COL20A1: variants seen among roughly 807,000 people sequenced by gnomAD.
COL20A1 encodes the protein collagen alpha-1(XX) chain.
Under a neutral mutation model 152.9 loss-of-function variants are expected in COL20A1, and 164 were observed. The ratio of observed to expected loss-of-function variants is 1.07; its 90% CI spans 0.94 to 1.22. The LOEUF (loss-of-function observed/expected upper bound fraction) is 1.22. Among genes scored for constraint, COL20A1 ranks in the 50% most tolerant of loss-of-function variants. The pLI is 0.00. For missense variants in COL20A1, 1,873 were observed against 1,744.8 expected (o/e 1.07, Z -1.31); for synonymous variants, 864 against 756.0 (o/e 1.14, Z -2.34).
chr20:63,312,143 T>TAAC, intron 14 of COL20A1, 88 bp downstream of exon 14: 1 of 1,409,484 alleles, frequency 7.1e-7, no homozygotes, highest in South Asian at 1.4e-5. Context: ...AACCATCAGA[T>TAAC]AACACATTCA....
rs1038542795 is a variant in COL20A1 at position 63,333,471 on chromosome 20, G to A, written c.*2755G>A. ...TGGACTGTAAGGGGCGTGCAGCCAT[G>A]CGTATCTGACCTGCCCTCCCTAGGT... On this transcript the variant is annotated 3_prime_UTR_variant, in exon 36 of 36. Transcript: ENST00000358894. The A allele has an allele frequency of 6.6e-6, 1 of 152,324 alleles. No homozygotes were observed. Among genetic ancestry groups the A allele is most frequent in the Non-Finnish European group, 1.5e-5 (1 of 68,110 alleles). The allele number at this position is 152,324 out of a possible 1,614,324, so 9.4% of individuals were successfully genotyped here.
At chr20:63,318,562 C>A (rs767064273) in intron 21 of COL20A1, among the ~76,000 whole-genome samples, 1 of 152,076 alleles carries the variant, frequency 6.6e-6, no homozygotes, top group African/African-American at 2.4e-5. Flanking sequence ...GGAGCTGCTC[C>A]CGAGAGCAGA....
chr20:63,313,440 A>C lies in COL20A1; in HGVS notation c.2209+191A>C, dbSNP rs1568777421. On this transcript the variant is annotated intron_variant, in intron 17 of 35. Transcript: ENST00000358894. This position sits in a 1 kb window ranked among gnomAD's most constrained non-coding sequence, Gnocchi z 5.9. ...CTCACACGGGTATAGGTGTTCCCCCAGTGGCCGAGTGCACAAACCACCTAG... is the reference window on the plus strand; with the variant it reads ...CTCACACGGGTATAGGTGTTCCCCCCGTGGCCGAGTGCACAAACCACCTAG... Among the ~76,000 whole-genome samples the C allele has an allele frequency of 6.6e-6, 1 of 152,160 alleles. No homozygotes were observed. Among genetic ancestry groups the C allele is most frequent in the Non-Finnish European group, 1.5e-5 (1 of 68,008 alleles).
chr20:63,315,151 T>G (rs113536487), intron 19 of COL20A1, among the ~76,000 whole-genome samples: 1 of 152,212 alleles, frequency 6.6e-6, no homozygotes, highest in African/African-American at 2.4e-5. Flanking sequence ...CGGGGCCCAC[T>G]GGGCTGTCTT....
At chr20:63,324,427 A>G (rs533308542) in intron 27 of COL20A1, 3 of 152,370 alleles carry the variant, frequency 2.0e-5, no homozygotes, top group African/African-American at 7.2e-5. Context: ...GCATTTGACC[A>G]TTAAAGTGCT....
chr20:63,294,157 GGGGGGA>G (rs2067754976), intron 1 of COL20A1, among the ~76,000 whole-genome samples: 1 of 2,082 alleles, frequency 4.8e-4, no homozygotes, highest in African/African-American at 3.4e-3. Context: ...GGGGGAGTGC[GGGGGGA>G]GGGGAGTGCG....
Position 63,319,183 on chromosome 20 carries a change from T to A in COL20A1, c.2789T>A (p.Leu930His), listed in dbSNP as rs763193632. ...ACAGCCGAGGACTTCCAGCCCCTCC[T>A]TGGGGTTCTGCTGGATGGTGACGTG... is the stretch of plus-strand genomic sequence containing the variant. ...QMTAEDFQPL[L>H]GVLLDAGKKS... The change falls in exon 22 of 36, where the codon CTT becomes CAT. Residue 930 changes from leucine (L) to histidine (H), a missense_variant. Leu to His is a moderately conservative substitution (Grantham distance 99). Coordinates refer to ENST00000358894, the MANE Select transcript of COL20A1 (RefSeq NM_020882.4). The surrounding 1 kb of genome is among the most constrained non-coding windows in gnomAD (Gnocchi z 4.4). 6.8e-6 allele frequency: 11 copies of A among 1,612,626 alleles called. No individual in the cohort carries two copies. The South Asian group carries it at 1.1e-4, about 16-fold the overall frequency.
chr20:63,310,665 C>T (rs1465435944), intron 11 of COL20A1, among the ~76,000 whole-genome samples, 155 bp downstream of exon 11: 3 of 152,128 alleles, frequency 2.0e-5, no homozygotes, highest in African/African-American at 7.2e-5. Context: ...TGACCAAGGC[C>T]GAGTCACTGG....
intron 27 of COL20A1, 161 bp from the exon 28 acceptor site, chr20:63,325,280 G>A (rs1246832247): frequency 1.4e-6 from 1 of 716,462 alleles, no homozygotes; most frequent in Non-Finnish European, 2.6e-6. Flanking sequence ...GAGAGCCCGG[G>A]CCACCCGGAC....
chr20:63,316,305 G>A (rs1183597857), intron 20 of COL20A1, among the ~76,000 whole-genome samples: 1 of 130,146 alleles, frequency 7.7e-6, no homozygotes, highest in Non-Finnish European at 1.7e-5. Context: ...CCTGGGGAGC[G>A]GCCCCTCCCA....
At chr20:63,309,975 A>G (rs6010897) in intron 10 of COL20A1, 60 bp downstream of exon 10, 87,653 of 1,439,066 alleles carry the variant, frequency 0.061, 3,089 homozygotes, top group South Asian at 0.1. Flanking sequence ...GAGATCTGAT[A>G]AGCCAAAGGG....
Position 63,313,645 on chromosome 20 carries a change from C to G in COL20A1, c.2210-98C>G, listed in dbSNP as rs1179992142. 2.9e-5 allele frequency: 35 copies of G among 1,205,656 alleles called. No homozygotes were observed. Among genetic ancestry groups the G allele is most frequent in the Non-Finnish European group, 4.5e-6 (4 of 883,428 alleles). The allele number at this position is 1,205,656 out of a possible 1,614,324, so 74.7% of individuals were successfully genotyped here. A position where few individuals can be genotyped will look rare whatever the true frequency, so the allele number is the denominator to read the frequency against. ...GTGGCATGATGTGGTGGAGGCATTA[C>G]GCAGAGCAGGGTAGGGGCTGGGCAG... On this transcript the variant is annotated intron_variant, in intron 17 of 35. Coordinates refer to ENST00000358894, the MANE Select transcript of COL20A1 (RefSeq NM_020882.4). This position sits in a 1 kb window ranked among gnomAD's most constrained non-coding sequence, Gnocchi z 5.9.
rs570792549 is a variant in COL20A1, at chr20:63,323,091, C to G, written c.3294+980C>G. Among the ~76,000 whole-genome samples the G allele has an allele frequency of 3.9e-5, 6 of 152,398 alleles. No homozygotes were observed. In the East Asian group the frequency reaches 1.2e-3, roughly 29 times the overall value. On this transcript the variant is annotated intron_variant, in intron 27 of 35. Transcript: ENST00000358894. ...CACCCCCATCTTGCATTCCTGGCTGCTTTGGGAGCCGCGTCTGATAGATGA... is the reference window on the plus strand; with the variant it reads ...CACCCCCATCTTGCATTCCTGGCTGGTTTGGGAGCCGCGTCTGATAGATGA...
intron 20 of COL20A1, among the ~76,000 whole-genome samples, 188 bp downstream of exon 20, chr20:63,315,627 G>A (rs1191739734): frequency 6.6e-6 from 1 of 152,374 alleles, no homozygotes; most frequent in South Asian, 2.1e-4. Context: ...TTCTCACTGA[G>A]GGAGCCGAAG....
chr20:63,309,319 C>T lies in COL20A1; in HGVS notation c.941-14C>T, dbSNP rs2067971766. The T allele has an allele frequency of 6.9e-7, 1 of 1,450,426 alleles. No homozygotes were observed. The highest frequency in any genetic ancestry group is 1.4e-5 in the African/African-American group (1 of 69,750). The allele number at this position is 1,450,426 out of a possible 1,614,324, so 89.8% of individuals were successfully genotyped here. A position where few individuals can be genotyped will look rare whatever the true frequency, so the allele number is the denominator to read the frequency against. On this transcript the variant is annotated splice_polypyrimidine_tract_variant and intron_variant, in intron 8 of 35. Transcript: ENST00000358894. ...CCCAGTGCAGGCCAACCCCACCTCC[C>T]TCCTCACGAGCAGGTGTGAAGAACG...
chr20:63,307,374 T>C, intron 5 of COL20A1, 116 bp from the exon 6 acceptor site: 1 of 1,021,722 alleles, frequency 9.8e-7, no homozygotes, highest in Non-Finnish European at 1.4e-6. Flanking sequence ...TCCTTTCCCC[T>C]GAAACCTGGC....
At chr20:63,327,507 T>A (rs1207322924) in intron 31 of COL20A1, 1 of 199,908 alleles carries the variant, frequency 5.0e-6, no homozygotes, top group Non-Finnish European at 1.0e-5. Flanking sequence ...GCCTTGGCCT[T>A]CAGCAGCTCC....
chr20:63,334,277 A>G lies in COL20A1; in HGVS notation c.*3561A>G, dbSNP rs1383136341. 1.3e-5 allele frequency: 2 copies of G among 152,274 alleles called. No individual in the cohort carries two copies. The highest frequency in any genetic ancestry group is 2.9e-5 in the Non-Finnish European group (2 of 68,056). 9.4% of individuals were successfully genotyped at this position (152,274 alleles called of 1,614,324 possible). A position where few individuals can be genotyped will look rare whatever the true frequency, so the allele number is the denominator to read the frequency against. On this transcript the variant is annotated 3_prime_UTR_variant, in exon 36 of 36. Transcript: ENST00000358894. Reference sequence around the variant, plus strand: ...CACACCCATGACTCCACAGTAATTCATGGGTTAAAGAGAAAAAAGGAAACG... The same window carrying G: ...CACACCCATGACTCCACAGTAATTCGTGGGTTAAAGAGAAAAAAGGAAACG...
chr20:63,322,076 G>A lies in COL20A1; in HGVS notation c.3259G>A (p.Gly1087Ser). ...TCTGCAGGGCCTCCCTGGGAGGAAT[G>A]GCACCCCAGGAGAGCAGGGCTTCCC... is the stretch of plus-strand genomic sequence containing the variant. ...QGPPGLPGRN[G>S]TPGEQGFPGP... is the part of the protein sequence containing the mutation. The change falls in exon 27 of 36, where the codon GGC becomes AGC. Residue 1087 changes from glycine (G) to serine (S), a missense_variant. Gly to Ser is a moderately conservative substitution (Grantham distance 56, BLOSUM62 0). Transcript: ENST00000358894. 6.6e-7 allele frequency: 1 copy of A among 1,504,394 alleles called. No individual in the cohort carries two copies. The highest frequency in any genetic ancestry group is 1.3e-5 in the South Asian group (1 of 77,170). 93.2% of individuals were successfully genotyped at this position (1,504,394 alleles called of 1,614,324 possible).
Sources: gnomAD v4.1 joint callset for allele counts (sites outside exome capture counted in the v4.1 genomes callset) on GRCh38, gnomAD v4.1.1 for gene constraint, Gnocchi (gnomAD v3.1) non-coding constraint, MANE v1.5 for transcripts, NCBI Gene and HGNC (gene_info 2026-07-23, HGNC 2026-07-21) for gene names.